The following PEPD variants were observed in gnomAD, a reference collection of about 807,000 sequenced individuals.
PEPD encodes the protein peptidase D, also known as xaa-Pro dipeptidase.
PEPD carries 53 observed loss-of-function variants against 60.7 expected under a neutral mutation model. That is an observed-to-expected ratio of 0.87 (90% confidence interval 0.70 to 1.10). The LOEUF is 1.10. Among genes scored for constraint, PEPD ranks in the 50% least tolerant of loss-of-function variants. PEPD has a pLI of 0.00. For synonymous variants in PEPD, 267 were observed against 284.1 expected, an observed-to-expected ratio of 0.94 and a Z score of 0.60; for missense variants, 711 against 711.9, an observed-to-expected ratio of 1.00 and a Z score of 0.01.
At chr19:33,472,046 A>T (rs1183951584) in intron 7 of PEPD, among the ~76,000 whole-genome samples, 1 of 152,042 alleles carries the variant, frequency 6.6e-6, no homozygotes, top group Non-Finnish European at 1.5e-5. Context: ...CTGTAATCCC[A>T]GCTACTCGGG....
chr19:33,411,678 T>C lies in PEPD; in HGVS notation c.812A>G (p.Asp271Gly). Residue 271 changes from aspartate (D) to glycine (G), a missense_variant, in exon 11 of 15, where the codon GAT (aspartate) becomes GGT (glycine). Coordinates refer to ENST00000244137, the MANE Select transcript of PEPD (RefSeq NM_000285.4). The part of the protein sequence containing the change: ...APNDRTIQNG[D>G]MCLFDMGGEY... ...GGCCGCTGGCCCTACTTACCACATA[T>C]CCCCATTCTGGATCGTTCGGTCGTT... 6.3e-7 allele frequency: 1 copy of C among 1,596,652 alleles called. No individual in the cohort carries two copies. Among genetic ancestry groups the C allele is most frequent in the Non-Finnish European group, 8.6e-7 (1 of 1,164,564 alleles).
chr19:33,499,710 C>A (rs1449933249), intron 4 of PEPD, among the ~76,000 whole-genome samples: 1 of 152,162 alleles, frequency 6.6e-6, no homozygotes, highest in African/African-American at 2.4e-5. Context: ...AAGGCTGGTG[C>A]AAGGCCTCAA....
At chr19:33,489,126 G>A (rs1360570359) in intron 6 of PEPD, among the ~76,000 whole-genome samples, 1 of 152,162 alleles carries the variant, frequency 6.6e-6, no homozygotes. Flanking sequence ...TGACAAGCAG[G>A]GGAGGGGCGT....
intron 9 of PEPD, among the ~76,000 whole-genome samples, chr19:33,417,454 C>T (rs11665874): frequency 0.16 from 24,381 of 152,144 alleles, 2,209 homozygotes; most frequent in Admixed American, 0.26. Context: ...CTGCTCTGGG[C>T]CCCACATACC....
Position 33,493,340 on chromosome 19 carries a change from AG to A in PEPD, c.394-4del. ...TGTGACGTCAGGACGCTGGCAATCT[AG>A]AAGGTCGGAAAGAAAAACCCACTTT... On this transcript the variant is annotated splice_region_variant and splice_polypyrimidine_tract_variant and intron_variant, in intron 4 of 14. Transcript: ENST00000244137. 6.2e-7 allele frequency: 1 copy of A among 1,612,430 alleles called. No homozygotes were observed. The highest frequency in any genetic ancestry group is 1.1e-5 in the South Asian group (1 of 91,008).
At chr19:33,478,203 T>A in intron 6 of PEPD, 113 bp from the exon 7 acceptor site, 1 of 760,278 alleles carries the variant, frequency 1.3e-6, no homozygotes, top group Non-Finnish European at 2.4e-6. Context: ...TCCCACACTT[T>A]AATTTCATGA....
At chr19:33,454,725 A>G (rs1194371454) in intron 9 of PEPD, among the ~76,000 whole-genome samples, 1 of 152,224 alleles carries the variant, frequency 6.6e-6, no homozygotes, top group African/African-American at 2.4e-5. Flanking sequence ...CATAATTCCC[A>G]TGCCTTAAGT....
At chr19:33,439,577 G>C (rs1381029043) in intron 9 of PEPD, among the ~76,000 whole-genome samples, 1 of 152,206 alleles carries the variant, frequency 6.6e-6, no homozygotes, top group Non-Finnish European at 1.5e-5. Context: ...AATGCCTCTG[G>C]GGCCCAGGTC....
At chr19:33,439,008 C>T (rs1969432980) in intron 9 of PEPD, among the ~76,000 whole-genome samples, 1 of 152,208 alleles carries the variant, frequency 6.6e-6, no homozygotes, top group South Asian at 2.1e-4. Context: ...AGACAGGTGG[C>T]GTGCCTTCTA....
chr19:33,423,816 C>T (rs1191353728), intron 9 of PEPD, among the ~76,000 whole-genome samples: 1 of 152,140 alleles, frequency 6.6e-6, no homozygotes, highest in African/African-American at 2.4e-5. Flanking sequence ...TTTTTATTGG[C>T]TAGATCTGTT....
chr19:33,509,885 G>A (rs1175384777), intron 3 of PEPD, among the ~76,000 whole-genome samples: 5 of 152,236 alleles, frequency 3.3e-5, no homozygotes, highest in Admixed American at 2.0e-4. Context: ...GGAGGGTGGA[G>A]GAGGGTGCCC....
intron 9 of PEPD, among the ~76,000 whole-genome samples, chr19:33,461,447 G>C (rs1224108384): frequency 6.6e-6 from 1 of 152,218 alleles, no homozygotes; most frequent in African/African-American, 2.4e-5. Context: ...GACGCTGTGG[G>C]GAGGGAGGCT....
chr19:33,389,340 G>A (rs1224943861), intron 13 of PEPD, among the ~76,000 whole-genome samples: 1 of 152,188 alleles, frequency 6.6e-6, no homozygotes. Flanking sequence ...GGGATGCCCC[G>A]TGGCTGAGGA....
intron 9 of PEPD, among the ~76,000 whole-genome samples, chr19:33,421,831 C>T (rs1969026265): frequency 6.6e-6 from 1 of 152,082 alleles, no homozygotes; most frequent in African/African-American, 2.4e-5. Flanking sequence ...TGTCCAGAAT[C>T]TGACCACTTC....
At chr19:33,451,843 C>T (rs1646998867) in intron 9 of PEPD, among the ~76,000 whole-genome samples, 1 of 152,086 alleles carries the variant, frequency 6.6e-6, no homozygotes, top group South Asian at 2.1e-4. Context: ...ATAATAAAGA[C>T]ATAACAATCA....
chr19:33,412,918 C>T (rs546877853), intron 10 of PEPD, among the ~76,000 whole-genome samples: 10 of 152,326 alleles, frequency 6.6e-5, no homozygotes, highest in South Asian at 2.1e-4. Context: ...GGACACATGC[C>T]GCTGTGCATG....
intron 9 of PEPD, among the ~76,000 whole-genome samples, chr19:33,420,229 A>G (rs1172326551): frequency 6.6e-5 from 10 of 152,046 alleles, no homozygotes; most frequent in Admixed American, 6.5e-4. Context: ...ATCAGACTGT[A>G]ATATACTTAT....
chr19:33,451,414 GTCTT>G (rs1430408911), intron 9 of PEPD, among the ~76,000 whole-genome samples: 1 of 152,014 alleles, frequency 6.6e-6, no homozygotes, highest in East Asian at 1.9e-4. Flanking sequence ...AGAAATACAG[GTCTT>G]TTTTTCTTGA....
At chr19:33,440,910 G>T (rs1369138074) in intron 9 of PEPD, among the ~76,000 whole-genome samples, 2 of 152,182 alleles carry the variant, frequency 1.3e-5, no homozygotes, top group Non-Finnish European at 2.9e-5. Flanking sequence ...ACACTCACCA[G>T]CCAGGTGACA....
Sources: allele counts gnomAD v4.1 joint callset (sites outside exome capture counted in the v4.1 genomes callset), GRCh38; gene constraint gnomAD v4.1.1; transcripts MANE v1.5; gene names NCBI Gene and HGNC (gene_info 2026-07-23, HGNC 2026-07-21).